SLC25A40: variants seen among roughly 807,000 people sequenced by gnomAD.
SLC25A40 encodes the protein mitochondrial glutathione transporter SLC25A40.
A neutral mutation model predicts 46.5 loss-of-function variants in SLC25A40; 41 were observed. That is an observed-to-expected ratio of 0.88 (90% CI 0.69 to 1.14). The LOEUF is 1.14. Ranked by LOEUF, SLC25A40 falls within the 50% of genes most tolerant of loss-of-function variation. The pLI, the probability that SLC25A40 is intolerant of heterozygous loss-of-function variation, is 0.00. For missense variants in SLC25A40, 386 were observed against 393.6 expected (o/e 0.98, Z 0.16); for synonymous variants, 126 against 127.5 (o/e 0.99, Z 0.08).
rs1838236703 is a variant in SLC25A40, at chr7:87,834,952, C to T, written c.*1297G>A. ...TTATTTCTGGTGAAACATATAAACA[C>T]TTTCCTACTATAGTACAAAATCAAT... On this transcript the variant is annotated 3_prime_UTR_variant, in exon 12 of 12. Transcript: ENST00000341119. The T allele has an allele frequency of 6.6e-6, 1 of 151,438 alleles. No homozygotes were observed. The highest frequency in any genetic ancestry group is 1.5e-5 in the Non-Finnish European group (1 of 67,638). 9.4% of individuals were successfully genotyped at this position (151,438 alleles called of 1,614,324 possible). A position where few individuals can be genotyped will look rare whatever the true frequency, so the allele number is the denominator to read the frequency against.
chr7:87,860,861 C>T (rs1019489067), intron 1 of SLC25A40, among the ~76,000 whole-genome samples: 6 of 149,964 alleles, frequency 4.0e-5, no homozygotes, highest in African/African-American at 7.3e-5. Context: ...AGTTAATATA[C>T]TCTGCTTTAA....
At chr7:87,858,588 CTCAT>C (rs768903276) in intron 3 of SLC25A40, 39 bp downstream of exon 3, 10 of 1,064,484 alleles carry the variant, frequency 9.4e-6, no homozygotes, top group Non-Finnish European at 1.5e-5. Flanking sequence ...GAAGCACTGA[CTCAT>C]TCAAAGTTAC....
At chr7:87,848,349 G>A (rs1464187291) in intron 6 of SLC25A40, among the ~76,000 whole-genome samples, 1 of 152,142 alleles carries the variant, frequency 6.6e-6, no homozygotes, top group Non-Finnish European at 1.5e-5. Context: ...GCAATGAGCC[G>A]AGATCGTGCC....
At chr7:87,857,953 T>C (rs1466524365) in intron 3 of SLC25A40, among the ~76,000 whole-genome samples, 1 of 152,154 alleles carries the variant, frequency 6.6e-6, no homozygotes, top group Admixed American at 6.5e-5. Flanking sequence ...GCAAGGAATA[T>C]TAATAATTCA....
At chr7:87,870,071 A>G (rs1048406880) in intron 1 of SLC25A40, among the ~76,000 whole-genome samples, 2 of 152,018 alleles carry the variant, frequency 1.3e-5, no homozygotes, top group Non-Finnish European at 2.9e-5. Flanking sequence ...CATAACAATT[A>G]TATCTTCTTT....
At chr7:87,865,812 T>C (rs915395519) in intron 1 of SLC25A40, among the ~76,000 whole-genome samples, 5 of 152,088 alleles carry the variant, frequency 3.3e-5, no homozygotes, top group Non-Finnish European at 5.9e-5. Flanking sequence ...CTGTGCACAG[T>C]GGTCCATGCC....
chr7:87,873,219 A>G (rs564292592), intron 1 of SLC25A40, among the ~76,000 whole-genome samples: 20 of 152,284 alleles, frequency 1.3e-4, no homozygotes, highest in African/African-American at 3.6e-4. Context: ...GAGCCAGGTG[A>G]AGAGGCTTAG....
intron 11 of SLC25A40, 75 bp downstream of exon 11, chr7:87,836,655 A>G (rs935652782): frequency 2.9e-5 from 28 of 951,838 alleles, no homozygotes; most frequent in East Asian, 9.1e-5. Context: ...ACTTCCTCCT[A>G]TAAGTTAATT....
intron 1 of SLC25A40, among the ~76,000 whole-genome samples, chr7:87,870,490 A>C (rs912155449): frequency 3.9e-5 from 6 of 152,204 alleles, no homozygotes; most frequent in African/African-American, 1.4e-4. Flanking sequence ...GCAGATCCCC[A>C]GTGAGGACCC....
chr7:87,847,139 A>T lies in SLC25A40; in HGVS notation c.458-17T>A. The stretch of plus-strand genomic sequence containing the variant: ...CTGCACCAACTAATACAAACAAGTT[A>T]AAAAAAAGAAAACAAAAATAAAGCC... On this transcript the variant is annotated splice_polypyrimidine_tract_variant and intron_variant, in intron 7 of 11. Coordinates refer to ENST00000341119, the MANE Select transcript of SLC25A40 (RefSeq NM_018843.4). 1 of 1,541,872 alleles carries T rather than the reference A, an allele frequency of 6.5e-7. No homozygotes were observed.
chr7:87,849,993 C>T (rs1434072585), intron 5 of SLC25A40, 45 bp from the exon 6 acceptor site: 2 of 1,233,718 alleles, frequency 1.6e-6, no homozygotes. Context: ...TATCTTTAAA[C>T]CTTTTATACA....
chr7:87,845,849 T>A (rs1838408838), intron 8 of SLC25A40, among the ~76,000 whole-genome samples: 2 of 152,014 alleles, frequency 1.3e-5, no homozygotes, highest in Non-Finnish European at 2.9e-5. Flanking sequence ...AATAAAAAAG[T>A]TGGAAAGGGT....
chr7:87,858,751 C>T lies in SLC25A40; in HGVS notation c.-24G>A. On this transcript the variant is annotated splice_region_variant and 5_prime_UTR_variant, in exon 3 of 12. Coordinates refer to ENST00000341119, the MANE Select transcript of SLC25A40 (RefSeq NM_018843.4). ...ATATTTTTAACTAATTAAATAAAAACCTGTTAAAAAGAAAACATAAAATTA... is the reference window on the plus strand; with the variant it reads ...ATATTTTTAACTAATTAAATAAAAATCTGTTAAAAAGAAAACATAAAATTA... 1 of 1,513,928 alleles carries T rather than the reference C, an allele frequency of 6.6e-7. No homozygotes were observed. Among genetic ancestry groups the T allele is most frequent in the Non-Finnish European group, 9.2e-7 (1 of 1,090,848 alleles). The allele number at this position is 1,513,928 out of a possible 1,614,324, so 93.8% of individuals were successfully genotyped here.
chr7:87,849,820 C>A, intron 6 of SLC25A40, 61 bp downstream of exon 6: 1 of 1,191,922 alleles, frequency 8.4e-7, no homozygotes, highest in South Asian at 1.5e-5. Context: ...TCCAACCATG[C>A]TGATTATAGG....
chr7:87,836,597 T>G lies in SLC25A40; in HGVS notation c.904+133A>C, dbSNP rs974651345. The G allele has an allele frequency of 5.3e-6, 3 of 561,392 alleles. No individual in the cohort carries two copies. In the East Asian group the frequency reaches 1.0e-4, roughly 19 times the overall value. 34.8% of individuals were successfully genotyped at this position (561,392 alleles called of 1,614,324 possible). A position where few individuals can be genotyped will look rare whatever the true frequency, so the allele number is the denominator to read the frequency against. Reference sequence around the variant, plus strand: ...TCTTTTATTTAACATTTATTTTAACTTATAATAAAGATATTTAGGAGAAAA... The same window carrying G: ...TCTTTTATTTAACATTTATTTTAACGTATAATAAAGATATTTAGGAGAAAA... On this transcript the variant is annotated intron_variant, in intron 11 of 11. Transcript: ENST00000341119.
At chr7:87,875,947 G>C (rs1027006233) in intron 1 of SLC25A40, 149 bp downstream of exon 1, 1 of 152,368 alleles carries the variant, frequency 6.6e-6, no homozygotes, top group African/African-American at 2.4e-5. Flanking sequence ...GTGCGACCCA[G>C]GGCGCGCTGA....
chr7:87,843,760 A>C lies in SLC25A40; in HGVS notation c.735T>G (p.Ser245=). 6.2e-7 allele frequency: 1 copy of C among 1,602,972 alleles called. No individual in the cohort carries two copies. Among genetic ancestry groups the C allele is most frequent in the Non-Finnish European group, 8.5e-7 (1 of 1,171,858 alleles). The change falls in exon 9 of 12, where the codon TCT becomes TCG. Residue 245 remains serine, a synonymous_variant. Transcript: ENST00000341119. ...AACAAAAGAATAAACTTACAGAACC[A>C]GACAATGCCCCTGAAGTAAAGTTGA... The part of the protein sequence containing the change: ...FMINFTSGAL[S]GSFAAVATLP...
rs1355280140 is a variant in SLC25A40 at position 87,834,196 on chromosome 7, T to G, written c.*2053A>C. ...CCCATGTGGCTGAGAGTTAAATTTA[T>G]ATACTGAAGTAAAACCTGGGAATAT... On this transcript the variant is annotated 3_prime_UTR_variant, in exon 12 of 12. Transcript: ENST00000341119. The G allele has an allele frequency of 6.6e-6, 1 of 151,884 alleles. No individual in the cohort carries two copies. The highest frequency in any genetic ancestry group is 1.5e-5 in the Non-Finnish European group (1 of 67,870). The allele number at this position is 151,884 out of a possible 1,614,324, so 9.4% of individuals were successfully genotyped here.
chr7:87,858,058 G>A (rs1175731989), intron 3 of SLC25A40, among the ~76,000 whole-genome samples: 5 of 152,122 alleles, frequency 3.3e-5, no homozygotes, highest in Admixed American at 6.5e-5. Flanking sequence ...ACTGAAATAC[G>A]CCCTGGTCTC....
Sources: allele counts gnomAD v4.1 joint callset (sites outside exome capture counted in the v4.1 genomes callset), GRCh38; gene constraint gnomAD v4.1.1; transcripts MANE v1.5; gene names NCBI Gene and HGNC (gene_info 2026-07-23, HGNC 2026-07-21).